Variants in GRID2 observed in about 807,000 individuals in gnomAD.
GRID2 encodes the protein glutamate receptor ionotropic, delta-2.
Under a neutral mutation model 114.8 loss-of-function variants are expected in GRID2, and 33 were observed. The ratio of observed to expected loss-of-function variants is 0.29; its 90% CI spans 0.22 to 0.38. The LOEUF (loss-of-function observed/expected upper bound fraction) is 0.38, where lower values mean the gene tolerates loss of function less well. Ranked by LOEUF, GRID2 falls within the 10% of genes least tolerant of loss-of-function variation. The pLI, the probability that GRID2 is intolerant of heterozygous loss-of-function variation, is 1.00. For missense variants in GRID2, 1,184 were observed against 1,257.7 expected, an observed-to-expected ratio of 0.94 and a Z score of 0.89; for synonymous variants, 505 against 449.9, an observed-to-expected ratio of 1.12 and a Z score of -1.55.
intron 8 of GRID2, among the ~76,000 whole-genome samples, chr4:93,370,378 TACAC>T (rs138269301): frequency 2.0e-5 from 3 of 149,660 alleles, no homozygotes; most frequent in Admixed American, 1.3e-4. Flanking sequence ...CACACAGACA[TACAC>T]ACACACAAAC....
intron 1 of GRID2, among the ~76,000 whole-genome samples, chr4:93,787,909 A>C (rs1431636809): frequency 2.0e-5 from 3 of 152,154 alleles, no homozygotes. Flanking sequence ...GGACGAATAG[A>C]CTCAGGGAAA....
intron 8 of GRID2, among the ~76,000 whole-genome samples, chr4:93,267,730 A>G (rs541962194): frequency 2.0e-5 from 3 of 152,186 alleles, no homozygotes; most frequent in Non-Finnish European, 4.4e-5. Flanking sequence ...CCCATCCCAC[A>G]GTCACCTCTC....
intron 14 of GRID2, among the ~76,000 whole-genome samples, chr4:93,652,296 C>G (rs1167910380): frequency 6.6e-6 from 1 of 151,898 alleles, no homozygotes; most frequent in Non-Finnish European, 1.5e-5. Context: ...AGAAATCAAC[C>G]CTGCCAGCAC....
chr4:92,937,304 A>T (rs1750747844), intron 2 of GRID2, among the ~76,000 whole-genome samples: 1 of 146,722 alleles, frequency 6.8e-6, no homozygotes, highest in Non-Finnish European at 1.5e-5. Context: ...CTTTCTTCTA[A>T]GAATTTTATA....
At chr4:93,478,963 A>G (rs1725589461) in intron 11 of GRID2, among the ~76,000 whole-genome samples, 1 of 152,104 alleles carries the variant, frequency 6.6e-6, no homozygotes, top group Admixed American at 6.6e-5. Context: ...CAACTGAAAT[A>G]ACAATTATAT....
intron 2 of GRID2, among the ~76,000 whole-genome samples, chr4:92,996,910 C>A (rs1755236018): frequency 6.6e-6 from 1 of 152,096 alleles, no homozygotes. Context: ...AGTTAGCAAG[C>A]AGCCTGTCCT....
At chr4:93,223,817 T>A (rs892644700) in intron 6 of GRID2, among the ~76,000 whole-genome samples, 7 of 152,144 alleles carry the variant, frequency 4.6e-5, no homozygotes, top group African/African-American at 1.7e-4. Flanking sequence ...TGGTGATTAA[T>A]TGACAGTATA....
intron 8 of GRID2, among the ~76,000 whole-genome samples, chr4:93,279,638 C>T (rs893743252): frequency 6.6e-6 from 1 of 151,788 alleles, no homozygotes; most frequent in Non-Finnish European, 1.5e-5. Context: ...TATTTCGACT[C>T]CTAAGATATA....
At chr4:93,786,146 G>A (rs1254070932) in intron 1 of GRID2, among the ~76,000 whole-genome samples, 1 of 152,192 alleles carries the variant, frequency 6.6e-6, no homozygotes, top group Non-Finnish European at 1.5e-5. Flanking sequence ...ATTGTCAAGT[G>A]TTACTCAGGG....
intron 7 of GRID2, among the ~76,000 whole-genome samples, chr4:93,236,873 C>T (rs367925169): frequency 5.3e-5 from 8 of 151,934 alleles, no homozygotes; most frequent in African/African-American, 9.7e-5. Flanking sequence ...ATTATGCCAA[C>T]GATTTCTAAG....
intron 8 of GRID2, among the ~76,000 whole-genome samples, chr4:93,297,293 T>TA (rs1294480319): frequency 6.6e-6 from 1 of 152,186 alleles, no homozygotes; most frequent in African/African-American, 2.4e-5. Flanking sequence ...ACAATAAAAT[T>TA]ACCGATAAGA....
At chr4:92,979,026 A>T (rs1022281649) in intron 2 of GRID2, among the ~76,000 whole-genome samples, 8 of 152,104 alleles carry the variant, frequency 5.3e-5, no homozygotes, top group African/African-American at 1.9e-4. Flanking sequence ...GTCTCTAAAA[A>T]ATAAAAATAA....
intron 1 of GRID2, among the ~76,000 whole-genome samples, chr4:92,356,707 G>T (rs552232410): frequency 2.6e-5 from 4 of 151,640 alleles, no homozygotes; most frequent in Non-Finnish European, 5.9e-5. Context: ...ATTGTCTACT[G>T]TGTTTTGCTG....
At chr4:92,631,299 G>A (rs1425252920) in intron 2 of GRID2, among the ~76,000 whole-genome samples, 1 of 152,092 alleles carries the variant, frequency 6.6e-6, no homozygotes, top group African/African-American at 2.4e-5. Context: ...TTTAGAATGT[G>A]ACATAAAGCA....
intron 8 of GRID2, among the ~76,000 whole-genome samples, chr4:93,247,040 C>T (rs568098597): frequency 6.6e-6 from 1 of 152,138 alleles, no homozygotes; most frequent in Non-Finnish European, 1.5e-5. Flanking sequence ...GGAGTTCTAC[C>T]TCAGGTAAGC....
chr4:92,548,925 G>C (rs1489887169), intron 1 of GRID2, among the ~76,000 whole-genome samples: 1 of 151,968 alleles, frequency 6.6e-6, no homozygotes, highest in Non-Finnish European at 1.5e-5. Context: ...CTCTATCACA[G>C]GAACAGTACC....
intron 14 of GRID2, among the ~76,000 whole-genome samples, chr4:93,682,693 A>G (rs142597227): frequency 0.03 from 4,598 of 151,148 alleles, 110 homozygotes; most frequent in African/African-American, 0.061. Flanking sequence ...AAAAAACCAA[A>G]CACCATATGT....
chr4:93,415,219 C>T (rs1364503799), intron 9 of GRID2, among the ~76,000 whole-genome samples: 1 of 152,026 alleles, frequency 6.6e-6, no homozygotes, highest in African/African-American at 2.4e-5. Flanking sequence ...CTTACAGCTG[C>T]AATATGTTAT....
Position 93,422,891 on chromosome 4 carries a change from G to A in GRID2, c.1468G>A (p.Val490Ile), listed in dbSNP as rs10034345. Reference sequence around the variant, plus strand: ...CCTGGGTTTTAACTACGAAATTTACGTAGCACCGGATCACAAATACGGAAG... The same window carrying A: ...CCTGGGTTTTAACTACGAAATTTACATAGCACCGGATCACAAATACGGAAG... The part of the protein sequence containing the change: ...NYLGFNYEIY[V>I]APDHKYGSPQ... The change falls in exon 10 of 16, where the codon GTA (valine) becomes ATA (isoleucine). Residue 490 changes from valine (V) to isoleucine (I), a missense_variant. This residue lies in a region of GRID2 where 717 missense variants were observed against 796.9 expected (regional missense o/e 0.90). Transcript: ENST00000282020. The A allele has an allele frequency of 0.072, 115,484 of 1,612,632 alleles. 5,141 individuals carry two copies. Among genetic ancestry groups the A allele is most frequent in the African/African-American group, 0.16 (11,900 of 74,946 alleles).
Sources: allele counts gnomAD v4.1 joint callset (sites outside exome capture counted in the v4.1 genomes callset), GRCh38; gene constraint gnomAD v4.1.1; regional missense constraint gnomAD v4.1.1; transcripts MANE v1.5; gene names NCBI Gene and HGNC (gene_info 2026-07-23, HGNC 2026-07-21).